The following TAFA1 variants were observed in gnomAD, a reference collection of about 807,000 sequenced individuals.
TAFA1 encodes the protein TAFA chemokine like family member 1.
A neutral mutation model predicts 18.5 loss-of-function variants in TAFA1; 4 were observed. The ratio of observed to expected loss-of-function variants is 0.22; its 90% CI spans 0.11 to 0.49. TAFA1 has a LOEUF of 0.49. Among genes scored for constraint, TAFA1 ranks in the 20% least tolerant of loss-of-function variants. TAFA1 has a pLI of 0.98. For missense variants in TAFA1, 147 were observed against 169.0 expected, an observed-to-expected ratio of 0.87 and a Z score of 0.72; for synonymous variants, 56 against 55.2, an observed-to-expected ratio of 1.01 and a Z score of -0.06.
chr3:68,028,233 G>A (rs1704858049), intron 2 of TAFA1, among the ~76,000 whole-genome samples: 1 of 152,100 alleles, frequency 6.6e-6, no homozygotes, highest in South Asian at 2.1e-4. Flanking sequence ...CTGAAAGGTG[G>A]AGGTTGCAAT....
intron 2 of TAFA1, among the ~76,000 whole-genome samples, chr3:68,349,447 C>T (rs566923026): frequency 1.3e-5 from 2 of 152,104 alleles, no homozygotes; most frequent in East Asian, 1.9e-4. Context: ...TAAAGTCCTA[C>T]GGCACCCATA....
chr3:68,175,119 T>C (rs182337228), intron 2 of TAFA1, among the ~76,000 whole-genome samples: 67 of 152,362 alleles, frequency 4.4e-4, no homozygotes, highest in Non-Finnish European at 7.6e-4. Context: ...TGGGAACCTC[T>C]GCCTAGATTT....
intron 2 of TAFA1, among the ~76,000 whole-genome samples, chr3:68,398,088 T>TA (rs1282011918): frequency 4.6e-5 from 7 of 151,176 alleles, no homozygotes; most frequent in African/African-American, 1.7e-4. Context: ...TCATATGGAA[T>TA]AAAAAAAAGA....
chr3:68,110,641 C>A (rs1474799625), intron 2 of TAFA1, among the ~76,000 whole-genome samples: 2 of 152,098 alleles, frequency 1.3e-5, no homozygotes, highest in Non-Finnish European at 2.9e-5. Context: ...ATATTTAGGT[C>A]ACACAATGCA....
At chr3:68,068,645 C>T (rs1292864710) in intron 2 of TAFA1, among the ~76,000 whole-genome samples, 1 of 152,194 alleles carries the variant, frequency 6.6e-6, no homozygotes, top group Non-Finnish European at 1.5e-5. Flanking sequence ...AAAGCACAAA[C>T]TTCTTATTTC....
intron 2 of TAFA1, among the ~76,000 whole-genome samples, chr3:68,267,999 A>G (rs1407821843): frequency 6.6e-6 from 1 of 152,186 alleles, no homozygotes; most frequent in Non-Finnish European, 1.5e-5. Context: ...TAGAAGAGCT[A>G]TAGTCTCTTG....
chr3:68,308,606 C>T (rs2068461432), intron 2 of TAFA1, among the ~76,000 whole-genome samples: 1 of 152,276 alleles, frequency 6.6e-6, no homozygotes, highest in South Asian at 2.1e-4. Context: ...ACATAATGCA[C>T]TTTATAGTCA....
chr3:68,374,484 A>G (rs1466620192), intron 2 of TAFA1, among the ~76,000 whole-genome samples: 2 of 152,166 alleles, frequency 1.3e-5, no homozygotes, highest in African/African-American at 4.8e-5. Flanking sequence ...TGTACAATCA[A>G]ATGCAAAGGT....
At chr3:68,186,864 G>A (rs1438377067) in intron 2 of TAFA1, among the ~76,000 whole-genome samples, 1 of 151,954 alleles carries the variant, frequency 6.6e-6, no homozygotes, top group Admixed American at 6.6e-5. Flanking sequence ...GCTAGGAGAT[G>A]TCCCTTCAAA....
chr3:68,212,150 G>A (rs1172776583), intron 2 of TAFA1, among the ~76,000 whole-genome samples: 2 of 151,766 alleles, frequency 1.3e-5, no homozygotes, highest in Non-Finnish European at 2.9e-5. Context: ...CTGAGTATGA[G>A]CCTGTAATAT....
intron 2 of TAFA1, among the ~76,000 whole-genome samples, chr3:68,383,825 G>T (rs1177556540): frequency 6.6e-6 from 1 of 151,902 alleles, no homozygotes; most frequent in Non-Finnish European, 1.5e-5. Context: ...TTTTTGGTTG[G>T]TAGGCCATTA....
At chr3:68,081,711 G>A (rs1005756086) in intron 2 of TAFA1, among the ~76,000 whole-genome samples, 15 of 152,270 alleles carry the variant, frequency 9.9e-5, no homozygotes, top group Non-Finnish European at 1.6e-4. Flanking sequence ...CACTGCTCTC[G>A]TCAAAGCTGT....
chr3:68,185,802 C>T (rs1158318674), intron 2 of TAFA1, among the ~76,000 whole-genome samples: 1 of 151,978 alleles, frequency 6.6e-6, no homozygotes, highest in Admixed American at 6.6e-5. Flanking sequence ...GTCCCAGCTA[C>T]TCAGGAGGCT....
At chr3:67,999,774 G>A (rs1704264228), upstream of TAFA1, among the ~76,000 whole-genome samples, 1 of 151,136 alleles carries the variant, frequency 6.6e-6, no homozygotes, top group African/African-American at 2.5e-5. Flanking sequence ...AGGACAAGGT[G>A]GTCACCCTTA....
chr3:68,461,217 G>A (rs1323508427), intron 3 of TAFA1, among the ~76,000 whole-genome samples: 1 of 151,252 alleles, frequency 6.6e-6, no homozygotes, highest in Non-Finnish European at 1.5e-5. Flanking sequence ...AGGAAAGATA[G>A]GTTGCAAGGA....
chr3:68,405,709 A>C lies in TAFA1; in HGVS notation c.119-11571A>C, dbSNP rs1410880654. 6.4e-5 allele frequency among the ~76,000 whole-genome samples: 7 copies of C among 108,784 alleles called. No homozygotes were observed. In the East Asian group the frequency reaches 1.9e-3, roughly 29 times the overall value. The allele number at this position is 108,784 out of a possible 152,430, so 71.4% of individuals were successfully genotyped here. A position where few individuals can be genotyped will look rare whatever the true frequency, so the allele number is the denominator to read the frequency against. ...AGTGAGACTCTATCTCAAAAAAAAAAAAAAAAAAAAAAAAAAAAAAAAAAA... is the reference window on the plus strand; with the variant it reads ...AGTGAGACTCTATCTCAAAAAAAAACAAAAAAAAAAAAAAAAAAAAAAAAA... On this transcript the variant is annotated intron_variant, in intron 2 of 4. Coordinates refer to ENST00000478136, the MANE Select transcript of TAFA1 (RefSeq NM_213609.4).
At chr3:68,261,902 A>T (rs1269277092) in intron 2 of TAFA1, among the ~76,000 whole-genome samples, 1 of 146,680 alleles carries the variant, frequency 6.8e-6, no homozygotes, top group Non-Finnish European at 1.5e-5. Flanking sequence ...TGTACCCTAA[A>T]ACTTAAAGTA....
intron 3 of TAFA1, among the ~76,000 whole-genome samples, chr3:68,504,295 A>G (rs1002405051): frequency 6.6e-6 from 1 of 152,096 alleles, no homozygotes; most frequent in Admixed American, 6.6e-5. Flanking sequence ...TTTGTGTTGA[A>G]AGCCAGCAGG....
rs148459929 is a variant in TAFA1, at chr3:68,206,556, A to G, written c.118+199812A>G. ...TAAAAAAGAGGATTTACTGACACCCATATGAGAATAAAAAATAATGATGTC... is the reference window on the plus strand; with the variant it reads ...TAAAAAAGAGGATTTACTGACACCCGTATGAGAATAAAAAATAATGATGTC... On this transcript the variant is annotated intron_variant, in intron 2 of 4. Coordinates refer to ENST00000478136, the MANE Select transcript of TAFA1 (RefSeq NM_213609.4). 6.8e-3 allele frequency among the ~76,000 whole-genome samples: 1,031 copies of G among 152,076 alleles called. 9 individuals are homozygous for G. The highest frequency in any genetic ancestry group is 0.024 in the African/African-American group (982 of 41,544).
Sources: gnomAD v4.1 joint callset for allele counts (sites outside exome capture counted in the v4.1 genomes callset) on GRCh38, gnomAD v4.1.1 for gene constraint, MANE v1.5 for transcripts, NCBI Gene and HGNC (gene_info 2026-07-23, HGNC 2026-07-21) for gene names.